The following FEZ1 variants were observed in gnomAD, a reference collection of about 807,000 sequenced individuals.
The protein encoded by FEZ1 is fasciculation and elongation protein zeta-1.
A neutral mutation model predicts 49.3 loss-of-function variants in FEZ1; 20 were observed. The ratio of observed to expected loss-of-function variants is 0.41; its 90% CI spans 0.29 to 0.59. The LOEUF (loss-of-function observed/expected upper bound fraction) is 0.59. Among genes scored for constraint, FEZ1 ranks in the 20% least tolerant of loss-of-function variants. The pLI, the probability that FEZ1 is intolerant of heterozygous loss-of-function variation, is 0.36. For synonymous variants in FEZ1, 170 were observed against 180.9 expected (o/e 0.94, Z 0.48); for missense variants, 413 against 476.0 (o/e 0.87, Z 1.23).
At chr11:125,453,441 G>A (rs2135740400) in intron 7 of FEZ1, 1 of 152,184 alleles carries the variant, frequency 6.6e-6, no homozygotes, top group South Asian at 2.1e-4. Flanking sequence ...CTAGCACTTA[G>A]AATTCAGCTA....
At chr11:125,481,983 T>C (rs1287239572) in intron 2 of FEZ1, among the ~76,000 whole-genome samples, 2 of 151,860 alleles carry the variant, frequency 1.3e-5, no homozygotes, top group Admixed American at 6.6e-5. Context: ...ATCTAAGAGA[T>C]GCCCATGTTT....
chr11:125,487,851 G>T (rs1358001533), intron 2 of FEZ1, among the ~76,000 whole-genome samples: 1 of 152,098 alleles, frequency 6.6e-6, no homozygotes. Flanking sequence ...CAGATATTTG[G>T]CCCCTCTATG....
At chr11:125,471,431 TACACACACACAC>T (rs34965918) in intron 3 of FEZ1, among the ~76,000 whole-genome samples, 2 of 147,984 alleles carry the variant, frequency 1.4e-5, no homozygotes, top group African/African-American at 4.9e-5. Context: ...TTGAGATAGA[TACACACACACAC>T]ACACACACAC....
chr11:125,473,198 A>G (rs935236035), intron 3 of FEZ1, among the ~76,000 whole-genome samples: 1 of 152,216 alleles, frequency 6.6e-6, no homozygotes, highest in Non-Finnish European at 1.5e-5. Flanking sequence ...ACACACACAT[A>G]TATATATCAT....
Position 125,445,958 on chromosome 11 carries a change from G to T in FEZ1, c.*137C>A. 2.3e-6 allele frequency: 2 copies of T among 881,360 alleles called. No homozygotes were observed. The highest frequency in any genetic ancestry group is 3.8e-6 in the Non-Finnish European group (2 of 520,992). 54.6% of individuals were successfully genotyped at this position (881,360 alleles called of 1,614,324 possible). ...AAGCCAACGGCAAAGGACCCCGCGC[G>T]CTTGCTCGTGTTTAATCCAGGTTAA... is the stretch of plus-strand genomic sequence containing the variant. On this transcript the variant is annotated 3_prime_UTR_variant, in exon 10 of 10. Coordinates refer to ENST00000278919, the MANE Select transcript of FEZ1 (RefSeq NM_005103.5). The surrounding 1 kb of genome is among the most constrained non-coding windows in gnomAD (Gnocchi z 4.4).
intron 1 of FEZ1, among the ~76,000 whole-genome samples, chr11:125,492,841 A>T (rs1957394308): frequency 6.6e-6 from 1 of 151,900 alleles, no homozygotes; most frequent in African/African-American, 2.4e-5. Flanking sequence ...GGTGGCTCAC[A>T]CCTGTAATCC....
chr11:125,449,558 GA>G (rs906114645), intron 8 of FEZ1, among the ~76,000 whole-genome samples: 84 of 150,528 alleles, frequency 5.6e-4, no homozygotes, highest in African/African-American at 8.3e-4. Context: ...AATGTTCATA[GA>G]AAAAAAATCT....
intron 3 of FEZ1, among the ~76,000 whole-genome samples, chr11:125,471,919 C>A (rs1014091240): frequency 2.6e-5 from 4 of 152,114 alleles, no homozygotes; most frequent in African/African-American, 9.6e-5. Context: ...AAAGTATGTT[C>A]TCTGACAAAA....
At chr11:125,455,811 T>G in intron 6 of FEZ1, 24 bp downstream of exon 6, 1 of 1,613,546 alleles carries the variant, frequency 6.2e-7, no homozygotes, top group Non-Finnish European at 8.5e-7. Flanking sequence ...AGGCACCCAG[T>G]CTTCCACCTG....
Position 125,489,058 on chromosome 11 carries a change from C to CA in FEZ1, c.311+408dup. 11 of 987,112 alleles carry CA rather than the reference C, an allele frequency of 1.1e-5. No homozygotes were observed. The highest frequency in any genetic ancestry group is 1.3e-5 in the Non-Finnish European group (11 of 831,272). 61.1% of individuals were successfully genotyped at this position (987,112 alleles called of 1,614,324 possible). A position where few individuals can be genotyped will look rare whatever the true frequency, so the allele number is the denominator to read the frequency against. ...GGGGCTGTCAAAAATTCGGGATTTT[C>CA]AAAATTCTGGTGTTTCTTGAAGCAA... On this transcript the variant is annotated intron_variant, in intron 2 of 9. Transcript: ENST00000278919. This position sits in a 1 kb window ranked among gnomAD's most constrained non-coding sequence, Gnocchi z 4.2.
At position 125,491,909 on chromosome 11, in the gene FEZ1, A is replaced by G. The variant is rs988803704; in HGVS notation, c.-45-2087T>C. On this transcript the variant is annotated intron_variant, in intron 1 of 9. Transcript: ENST00000278919. ...GGCTCGAGAGCCAACAGATCTGCCA[A>G]TGGCTGGCTGAGTGACAAGCATCAT... 1.6e-4 allele frequency among the ~76,000 whole-genome samples: 25 copies of G among 152,234 alleles called. 1 individual carries two copies. The highest frequency in any genetic ancestry group is 5.8e-4 in the African/African-American group (24 of 41,468).
chr11:125,451,477 C>T (rs934105869), intron 8 of FEZ1: 10 of 152,254 alleles, frequency 6.6e-5, no homozygotes, highest in African/African-American at 2.4e-4. Context: ...TTCCCCTCTC[C>T]TTGGGTATCC....
At chr11:125,485,378 C>A (rs770468685) in intron 2 of FEZ1, among the ~76,000 whole-genome samples, 1 of 152,168 alleles carries the variant, frequency 6.6e-6, no homozygotes, top group African/African-American at 2.4e-5. Flanking sequence ...TGCCAGGACA[C>A]GTGTACAAAG....
intron 3 of FEZ1, among the ~76,000 whole-genome samples, chr11:125,477,900 G>C (rs905571527): frequency 2.0e-5 from 3 of 151,264 alleles, no homozygotes; most frequent in African/African-American, 7.3e-5. Context: ...GCAGTTGCCT[G>C]TATGGAGTAG....
chr11:125,455,869 C>G lies in FEZ1; in HGVS notation c.905G>C (p.Ser302Thr), dbSNP rs748073341. ...RKEKGLSLQS[S>T]RIEKGNQMPL... ...CATCTGGTTTCCCTTCTCTATCCGGCTGCTCTGCAGGCTCAGCCCTTTCTC... is the reference window on the plus strand; with the variant it reads ...CATCTGGTTTCCCTTCTCTATCCGGGTGCTCTGCAGGCTCAGCCCTTTCTC... Residue 302 changes from serine to threonine, a missense_variant, in exon 6 of 10, where the codon AGC (serine) becomes ACC (threonine). Ser to Thr is a moderately conservative substitution (Grantham distance 58). Transcript: ENST00000278919. 3.7e-6 allele frequency: 6 copies of G among 1,613,990 alleles called. No individual in the cohort carries two copies. Among genetic ancestry groups the G allele is most frequent in the East Asian group, 2.2e-5 (1 of 44,828 alleles).
chr11:125,476,957 A>G (rs147780920), intron 3 of FEZ1, among the ~76,000 whole-genome samples: 4 of 152,260 alleles, frequency 2.6e-5, no homozygotes, highest in Middle Eastern at 3.4e-3. Context: ...AATCCCCAGC[A>G]TGAAGGGAAG....
intron 6 of FEZ1, among the ~76,000 whole-genome samples, chr11:125,454,680 G>GA (rs1041696087): frequency 6.6e-6 from 1 of 151,768 alleles, no homozygotes; most frequent in Admixed American, 6.6e-5. Flanking sequence ...AAGGCATTTT[G>GA]AAAAAAACTC....
rs374186411 is a variant in FEZ1, at chr11:125,470,057, C to G, written c.412-6487G>C. 5.3e-5 allele frequency among the ~76,000 whole-genome samples: 8 copies of G among 151,946 alleles called. No homozygotes were observed. In the South Asian group the frequency reaches 1.2e-3, roughly 24 times the overall value. The stretch of plus-strand genomic sequence containing the variant: ...AATATGAAAAGATGCTCAAGGATTG[C>G]CAGACATTTGAGAATAGCCCCCAAC... On this transcript the variant is annotated intron_variant, in intron 3 of 9. Coordinates refer to ENST00000278919, the MANE Select transcript of FEZ1 (RefSeq NM_005103.5).
chr11:125,495,180 CA>C lies in FEZ1; in HGVS notation c.-46+940del, dbSNP rs911178574. ...CCATCTCAGATCCCCCTCCTCCCCC[CA>C]GTCCGGTGGGGTAAAGAAAGCCTCC... On this transcript the variant is annotated intron_variant, in intron 1 of 9. Transcript: ENST00000278919. This position sits in a 1 kb window ranked among gnomAD's most constrained non-coding sequence, Gnocchi z 4.2. 2.0e-5 allele frequency: 7 copies of C among 357,754 alleles called. No homozygotes were observed. The highest frequency in any genetic ancestry group is 1.5e-4 in the African/African-American group (7 of 46,372). 22.2% of individuals were successfully genotyped at this position (357,754 alleles called of 1,614,324 possible). A position where few individuals can be genotyped will look rare whatever the true frequency, so the allele number is the denominator to read the frequency against.
Sources: allele counts gnomAD v4.1 joint callset (sites outside exome capture counted in the v4.1 genomes callset), GRCh38; gene constraint gnomAD v4.1.1; non-coding constraint Gnocchi (gnomAD v3.1); transcripts MANE v1.5; gene names NCBI Gene and HGNC (gene_info 2026-07-23, HGNC 2026-07-21).